SGCD: variants seen among roughly 807,000 people sequenced by gnomAD.
SGCD encodes the protein sarcoglycan delta, also known as delta-sarcoglycan.
Under a neutral mutation model 36.6 loss-of-function variants are expected in SGCD, and 18 were observed. The ratio of observed to expected loss-of-function variants is 0.49; its 90% CI spans 0.34 to 0.73. The LOEUF is 0.73. SGCD is among the 30% of genes least tolerant of loss of function. The pLI, the probability that SGCD is intolerant of heterozygous loss-of-function variation, is 0.01. For synonymous variants in SGCD, 133 were observed against 130.6 expected, an observed-to-expected ratio of 1.02 and a Z score of -0.12; for missense variants, 387 against 346.7, an observed-to-expected ratio of 1.12 and a Z score of -0.92.
intron 7 of SGCD, among the ~76,000 whole-genome samples, chr5:156,741,747 G>A (rs1217146964): frequency 1.3e-5 from 2 of 152,150 alleles, no homozygotes; most frequent in Non-Finnish European, 2.9e-5. Context: ...TTTACCCTGG[G>A]AGGATGCAAT....
intron 3 of SGCD, among the ~76,000 whole-genome samples, chr5:156,236,702 C>T (rs1765173664): frequency 6.6e-6 from 1 of 152,072 alleles, no homozygotes; most frequent in South Asian, 2.1e-4. Flanking sequence ...CCCTTCTTGG[C>T]CTCCCAAAGT....
At chr5:156,094,397 C>G (rs1212592081) in intron 1 of SGCD, among the ~76,000 whole-genome samples, 1 of 152,192 alleles carries the variant, frequency 6.6e-6, no homozygotes, top group African/African-American at 2.4e-5. Context: ...TTCTGCACAG[C>G]TAAGAGTTGG....
intron 1 of SGCD, among the ~76,000 whole-genome samples, chr5:155,989,525 G>A (rs565363851): frequency 3.9e-5 from 6 of 151,966 alleles, no homozygotes; most frequent in Admixed American, 6.6e-5. Flanking sequence ...TTTGTTATTC[G>A]CTCTCTCACC....
chr5:156,141,437 C>T (rs547961320), intron 3 of SGCD, among the ~76,000 whole-genome samples: 50 of 152,368 alleles, frequency 3.3e-4, no homozygotes, highest in Admixed American at 6.5e-4. Context: ...GATATGTGGG[C>T]TGCTCACAGC....
intron 3 of SGCD, among the ~76,000 whole-genome samples, chr5:156,299,074 C>A (rs1766982068): frequency 6.6e-6 from 1 of 152,076 alleles, no homozygotes; most frequent in Non-Finnish European, 1.5e-5. Context: ...TAGTTTGAGG[C>A]CTTAAATGTA....
At chr5:156,683,694 C>T (rs969883384) in intron 7 of SGCD, among the ~76,000 whole-genome samples, 1 of 152,152 alleles carries the variant, frequency 6.6e-6, no homozygotes, top group African/African-American at 2.4e-5. Context: ...TTTGCATAGA[C>T]CTGAGTGAAA....
chr5:155,795,783 T>G, the SGCD span, among the ~76,000 whole-genome samples: 1 of 152,030 alleles, frequency 6.6e-6, no homozygotes, highest in South Asian at 2.1e-4. Flanking sequence ...AGACACAAAT[T>G]TTAAAGGAGA....
At chr5:156,029,186 CAG>C (rs1165238954) in intron 1 of SGCD, among the ~76,000 whole-genome samples, 1 of 152,056 alleles carries the variant, frequency 6.6e-6, no homozygotes, top group Non-Finnish European at 1.5e-5. Flanking sequence ...GAATATGAAA[CAG>C]ATATAAGCAC....
chr5:156,331,481 C>T (rs898767973), intron 2 of SGCD, among the ~76,000 whole-genome samples: 2 of 152,136 alleles, frequency 1.3e-5, no homozygotes, highest in African/African-American at 2.4e-5. Context: ...GATGCAATCA[C>T]TTTATTCTTC....
chr5:156,474,608 T>A (rs549171958), intron 3 of SGCD, among the ~76,000 whole-genome samples: 2 of 152,342 alleles, frequency 1.3e-5, no homozygotes, highest in African/African-American at 2.4e-5. Context: ...GGCAGCCAGC[T>A]GGGTTTGAAA....
chr5:156,256,305 A>G (rs1765715413), intron 3 of SGCD, among the ~76,000 whole-genome samples: 1 of 152,220 alleles, frequency 6.6e-6, no homozygotes, highest in South Asian at 2.1e-4. Flanking sequence ...TTTATTTCCC[A>G]GCGGAAATCT....
intron 3 of SGCD, among the ~76,000 whole-genome samples, chr5:156,301,602 G>A (rs1356916153): frequency 3.9e-5 from 6 of 152,046 alleles, no homozygotes; most frequent in Non-Finnish European, 1.5e-5. Context: ...TTACCAGTGA[G>A]TTTTGTACTG....
At chr5:155,901,808 G>A (rs1317056505) in intron 1 of SGCD, among the ~76,000 whole-genome samples, 1 of 152,106 alleles carries the variant, frequency 6.6e-6, no homozygotes, top group African/African-American at 2.4e-5. Flanking sequence ...GCCTACTTTA[G>A]CATTAAACCT....
the SGCD span, among the ~76,000 whole-genome samples, chr5:155,784,899 T>C: frequency 6.6e-6 from 1 of 152,248 alleles, no homozygotes; most frequent in East Asian, 1.9e-4. Flanking sequence ...GGATTCTCTT[T>C]TTTCTCATTA....
chr5:156,163,916 G>A (rs56282009), intron 3 of SGCD, among the ~76,000 whole-genome samples: 6,621 of 150,560 alleles, frequency 0.044, 479 homozygotes, highest in African/African-American at 0.12. Context: ...CCAGCTACTC[G>A]GGAGGCTGAG....
At chr5:156,263,363 A>AT (rs1412141207) in intron 3 of SGCD, among the ~76,000 whole-genome samples, 3 of 151,932 alleles carry the variant, frequency 2.0e-5, no homozygotes, top group Non-Finnish European at 4.4e-5. Flanking sequence ...GATATTGAGC[A>AT]TTTTTTCATA....
At chr5:156,461,476 A>T (rs1754486477) in intron 3 of SGCD, among the ~76,000 whole-genome samples, 1 of 152,140 alleles carries the variant, frequency 6.6e-6, no homozygotes, top group Admixed American at 6.6e-5. Context: ...AAAATGAAAC[A>T]ATTTTAATTT....
intron 1 of SGCD, among the ~76,000 whole-genome samples, chr5:156,075,080 G>A (rs75500192): frequency 0.084 from 12,796 of 152,104 alleles, 1,702 homozygotes; most frequent in African/African-American, 0.28. Flanking sequence ...ACAAATGTAC[G>A]AAAAGGACAT....
At chr5:156,583,706 C>T (rs1306709338) in intron 4 of SGCD, among the ~76,000 whole-genome samples, 4 of 152,094 alleles carry the variant, frequency 2.6e-5, no homozygotes, top group African/African-American at 9.7e-5. Flanking sequence ...TCTGGACATA[C>T]CACAAAGCCA....
Sources: gnomAD v4.1 joint callset for allele counts (sites outside exome capture counted in the v4.1 genomes callset) on GRCh38, gnomAD v4.1.1 for gene constraint, MANE v1.5 for transcripts, NCBI Gene and HGNC (gene_info 2026-07-23, HGNC 2026-07-21) for gene names.